Variants in KCNJ6 observed in about 807,000 individuals in gnomAD.
KCNJ6 encodes potassium inwardly rectifying channel subfamily J member 6, also known as G protein-activated inward rectifier potassium channel 2.
Under a neutral mutation model 34.2 loss-of-function variants are expected in KCNJ6, and 9 were observed. The ratio of observed to expected loss-of-function variants is 0.26; its 90% CI spans 0.16 to 0.46. KCNJ6 has a LOEUF of 0.46. Among genes scored for constraint, KCNJ6 ranks in the 20% least tolerant of loss-of-function variants. The pLI, the probability that KCNJ6 is intolerant of heterozygous loss-of-function variation, is 1.00. For missense variants in KCNJ6, 236 were observed against 531.3 expected (o/e 0.44, Z 5.46); for synonymous variants, 196 against 207.1 (o/e 0.95, Z 0.46).
intron 3 of KCNJ6, among the ~76,000 whole-genome samples, chr21:37,649,278 G>C (rs545886483): frequency 4.9e-4 from 75 of 152,060 alleles, no homozygotes; most frequent in Non-Finnish European, 9.1e-4. Context: ...TCCGACCCAA[G>C]GAATCTTGAC....
chr21:37,760,644 T>C (rs2055056550), intron 2 of KCNJ6, among the ~76,000 whole-genome samples: 1 of 152,234 alleles, frequency 6.6e-6, no homozygotes, highest in East Asian at 1.9e-4. Flanking sequence ...CTCCTGGGTC[T>C]GACTGGAACT....
At chr21:37,712,477 TC>T in intron 3 of KCNJ6, among the ~76,000 whole-genome samples, 1 of 71,568 alleles carries the variant, frequency 1.4e-5, no homozygotes. Context: ...CTCTCCCTCC[TC>T]CCTTTCTCTT....
intron 2 of KCNJ6, among the ~76,000 whole-genome samples, chr21:37,749,505 C>T (rs891945318): frequency 6.6e-6 from 1 of 152,144 alleles, no homozygotes; most frequent in Non-Finnish European, 1.5e-5. Flanking sequence ...TTGTATTGCA[C>T]CCATACCTGG....
chr21:37,890,068 TC>T (rs2055754876), intron 1 of KCNJ6, among the ~76,000 whole-genome samples: 1 of 152,190 alleles, frequency 6.6e-6, no homozygotes, highest in African/African-American at 2.4e-5. Flanking sequence ...ATATTAGTCT[TC>T]TCATACTGCT....
intron 2 of KCNJ6, among the ~76,000 whole-genome samples, chr21:37,789,694 C>T (rs1200171574): frequency 6.6e-6 from 1 of 152,214 alleles, no homozygotes; most frequent in Non-Finnish European, 1.5e-5. Context: ...TGAATCAATA[C>T]CAATCACTTC....
intron 1 of KCNJ6, among the ~76,000 whole-genome samples, chr21:37,862,692 A>G (rs367712331): frequency 1.3e-5 from 2 of 152,176 alleles, no homozygotes; most frequent in South Asian, 2.1e-4. Flanking sequence ...TTCCTCTTCT[A>G]TTTGTGCTAG....
chr21:37,716,160 G>A (rs985544316), intron 2 of KCNJ6, among the ~76,000 whole-genome samples: 23 of 152,030 alleles, frequency 1.5e-4, no homozygotes, highest in African/African-American at 5.1e-4. Flanking sequence ...TTGAACTATT[G>A]GCCAAATTTC....
chr21:37,865,881 G>A (rs533012817), intron 1 of KCNJ6, among the ~76,000 whole-genome samples: 15 of 152,248 alleles, frequency 9.9e-5, no homozygotes, highest in South Asian at 4.1e-4. Flanking sequence ...TCACTCAACC[G>A]TTGCAGAACA....
chr21:37,712,845 A>T (rs2054769286), intron 3 of KCNJ6, among the ~76,000 whole-genome samples: 1 of 149,984 alleles, frequency 6.7e-6, no homozygotes, highest in Non-Finnish European at 1.5e-5. Flanking sequence ...TGCACCCCCA[A>T]ATCAGGCTCA....
intron 3 of KCNJ6, among the ~76,000 whole-genome samples, chr21:37,698,835 T>C (rs536175652): frequency 6.6e-6 from 1 of 152,224 alleles, no homozygotes; most frequent in South Asian, 2.1e-4. Context: ...TAGCTGGGAT[T>C]ATATGTGTGT....
Position 37,800,957 on chromosome 21 carries a change from C to T in KCNJ6, c.25+39701G>A, listed in dbSNP as rs955758031. On this transcript the variant is annotated intron_variant, in intron 2 of 3. Coordinates refer to ENST00000609713, the MANE Select transcript of KCNJ6 (RefSeq NM_002240.5). ...AACTACAGGGAACTGGATGCCTCTG[C>T]GGAGGTTGATGAGAGGTAGGGAAGA... is the stretch of plus-strand genomic sequence containing the variant. Among the ~76,000 whole-genome samples the T allele has an allele frequency of 2.7e-4, 41 of 152,106 alleles. 2 individuals carry two copies. Among genetic ancestry groups the T allele is most frequent in the Admixed American group, 1.3e-4 (2 of 15,270 alleles).
chr21:37,781,820 G>A (rs909160402), intron 2 of KCNJ6, among the ~76,000 whole-genome samples: 3 of 152,004 alleles, frequency 2.0e-5, no homozygotes, highest in Admixed American at 1.3e-4. Context: ...TTCAAAGCCC[G>A]GTATTGTCAC....
At chr21:37,648,700 C>T (rs762033255) in intron 3 of KCNJ6, among the ~76,000 whole-genome samples, 27 of 152,150 alleles carry the variant, frequency 1.8e-4, no homozygotes, top group African/African-American at 6.3e-4. Context: ...TGCCACCTGA[C>T]AAAATGATGA....
intron 3 of KCNJ6, among the ~76,000 whole-genome samples, chr21:37,662,731 T>C (rs2054495604): frequency 6.6e-6 from 1 of 152,218 alleles, no homozygotes; most frequent in Non-Finnish European, 1.5e-5. Context: ...ACCAACAGTG[T>C]AAAAACATTC....
In KCNJ6 at chr21:37,614,974, A is replaced by G. The variant is rs866380806; in HGVS notation, c.*10185T>C. ...TCTATGAAGGTGCACACAGGGAGGA[A>G]CCATGTGATAACAGGCCACATGTTT... On this transcript the variant is annotated 3_prime_UTR_variant, in exon 4 of 4. Coordinates refer to ENST00000609713, the MANE Select transcript of KCNJ6 (RefSeq NM_002240.5). 2.6e-5 allele frequency: 4 copies of G among 152,186 alleles called. No individual in the cohort carries two copies. Among genetic ancestry groups the G allele is most frequent in the African/African-American group, 9.7e-5 (4 of 41,420 alleles). 9.4% of individuals were successfully genotyped at this position (152,186 alleles called of 1,614,324 possible).
intron 2 of KCNJ6, among the ~76,000 whole-genome samples, chr21:37,765,788 T>A (rs2055087875): frequency 6.6e-6 from 1 of 152,214 alleles, no homozygotes; most frequent in Non-Finnish European, 1.5e-5. Flanking sequence ...TTCATCTTCT[T>A]TGTTTCACTA....
intron 2 of KCNJ6, among the ~76,000 whole-genome samples, chr21:37,822,267 T>C (rs1325752142): frequency 6.6e-6 from 1 of 152,198 alleles, no homozygotes; most frequent in African/African-American, 2.4e-5. Context: ...CGTGGTTTGA[T>C]AGGCACCTGT....
intron 3 of KCNJ6, among the ~76,000 whole-genome samples, chr21:37,648,726 C>T (rs2054417072): frequency 6.6e-6 from 1 of 152,124 alleles, no homozygotes; most frequent in Admixed American, 6.5e-5. Context: ...AACCTTCTTC[C>T]TGCTATTTCT....
At chr21:37,835,814 CTAA>C (rs2055448858) in intron 2 of KCNJ6, among the ~76,000 whole-genome samples, 1 of 145,166 alleles carries the variant, frequency 6.9e-6, no homozygotes, top group African/African-American at 2.9e-5. Flanking sequence ...CACCCTAACC[CTAA>C]CCCTAACCCT....
Sources: gnomAD v4.1 joint callset for allele counts (sites outside exome capture counted in the v4.1 genomes callset) on GRCh38, gnomAD v4.1.1 for gene constraint, MANE v1.5 for transcripts, NCBI Gene and HGNC (gene_info 2026-07-23, HGNC 2026-07-21) for gene names.